Variants in NEGR1 observed in about 807,000 individuals in gnomAD.
NEGR1 encodes neuronal growth regulator 1.
In NEGR1, 10 loss-of-function variants were observed where a neutral mutation model predicts 40.9. That is an observed-to-expected ratio of 0.24 (90% CI 0.15 to 0.42). NEGR1 has a LOEUF of 0.42. Among genes scored for constraint, NEGR1 ranks in the 10% least tolerant of loss-of-function variants. The probability of loss-of-function intolerance (pLI) is 1.00; values close to 1 mark genes in which losing one functional copy is unlikely to be tolerated. For synonymous variants in NEGR1, 185 were observed against 166.8 expected (o/e 1.11, Z -0.84); for missense variants, 352 against 438.9 (o/e 0.80, Z 1.77).
chr1:72,241,083 T>C (rs779750961), intron 1 of NEGR1, among the ~76,000 whole-genome samples: 53 of 151,818 alleles, frequency 3.5e-4, no homozygotes, highest in Non-Finnish European at 5.5e-4. Context: ...TGGTTTAACT[T>C]GATGGAGCTT....
At chr1:72,148,664 C>T (rs551055585) in intron 1 of NEGR1, among the ~76,000 whole-genome samples, 4 of 152,212 alleles carry the variant, frequency 2.6e-5, no homozygotes, top group East Asian at 1.9e-4. Flanking sequence ...AAATTTCTTC[C>T]GCCAGATACC....
chr1:72,241,492 G>A (rs1381191421), intron 1 of NEGR1, among the ~76,000 whole-genome samples: 3 of 151,436 alleles, frequency 2.0e-5, no homozygotes, highest in African/African-American at 7.3e-5. Context: ...AAAAGAAAAT[G>A]GTAATGTTAG....
intron 2 of NEGR1, among the ~76,000 whole-genome samples, chr1:71,884,782 A>G (rs1401148371): frequency 6.6e-6 from 1 of 152,234 alleles, no homozygotes; most frequent in African/African-American, 2.4e-5. Flanking sequence ...AGGCAATTGC[A>G]TCAAATAAAT....
intron 6 of NEGR1, among the ~76,000 whole-genome samples, chr1:71,501,144 T>C (rs1425507928): frequency 1.3e-5 from 2 of 152,112 alleles, no homozygotes; most frequent in African/African-American, 4.8e-5. Flanking sequence ...ATTTACTGTA[T>C]ACACACATGT....
At chr1:71,969,542 T>C (rs925550285) in intron 1 of NEGR1, among the ~76,000 whole-genome samples, 2 of 152,216 alleles carry the variant, frequency 1.3e-5, no homozygotes, top group African/African-American at 4.8e-5. Flanking sequence ...TTTTCTGCCA[T>C]GACAGCCCTA....
At chr1:71,908,693 T>TA (rs1161486779) in intron 2 of NEGR1, among the ~76,000 whole-genome samples, 3 of 152,214 alleles carry the variant, frequency 2.0e-5, no homozygotes, top group Admixed American at 2.0e-4. Flanking sequence ...CCTGTAAACT[T>TA]AGACCATTGA....
At chr1:71,817,382 C>T (rs1658262456) in intron 2 of NEGR1, among the ~76,000 whole-genome samples, 1 of 152,060 alleles carries the variant, frequency 6.6e-6, no homozygotes, top group African/African-American at 2.4e-5. Flanking sequence ...TACTTCCCCA[C>T]CAGGTTGGAA....
At chr1:71,490,228 G>T (rs1335506979) in intron 6 of NEGR1, among the ~76,000 whole-genome samples, 3 of 151,778 alleles carry the variant, frequency 2.0e-5, no homozygotes, top group Non-Finnish European at 4.4e-5. Flanking sequence ...CCACCCAAAG[G>T]TAGCAATAAC....
intron 2 of NEGR1, among the ~76,000 whole-genome samples, chr1:71,907,829 G>A (rs1053880032): frequency 6.6e-6 from 1 of 152,068 alleles, no homozygotes; most frequent in Non-Finnish European, 1.5e-5. Context: ...GCCATGAAAA[G>A]AACAAAATCA....
At position 71,564,296 on chromosome 1, in the gene NEGR1, G is replaced by A. The variant is rs114936937; in HGVS notation, c.940+28521C>T. On this transcript the variant is annotated intron_variant, in intron 6 of 6. Transcript: ENST00000357731. ...ATTATCATCACCACATACACTCATA[G>A]TATTTGTTTCCAAAATTTAAGAATT... Among the ~76,000 whole-genome samples, 882 of 152,108 alleles carry A rather than the reference G, an allele frequency of 5.8e-3. 17 individuals carry two copies. The highest frequency in any genetic ancestry group is 0.02 in the African/African-American group (846 of 41,518).
At chr1:71,506,193 C>T (rs1047883420) in intron 6 of NEGR1, among the ~76,000 whole-genome samples, 4 of 152,128 alleles carry the variant, frequency 2.6e-5, no homozygotes, top group Admixed American at 2.6e-4. Context: ...AACCCAATCC[C>T]TCGCAATGGT....
At chr1:72,010,246 T>G (rs1324219404) in intron 1 of NEGR1, among the ~76,000 whole-genome samples, 1 of 151,940 alleles carries the variant, frequency 6.6e-6, no homozygotes, top group Non-Finnish European at 1.5e-5. Flanking sequence ...CTGACACCTG[T>G]GGTTGCCACA....
chr1:71,519,433 C>T (rs1350352919), intron 6 of NEGR1, among the ~76,000 whole-genome samples: 1 of 21,714 alleles, frequency 4.6e-5, no homozygotes, highest in African/African-American at 2.2e-4. Flanking sequence ...TTTGTAGGGA[C>T]ATGGATGAAA....
intron 1 of NEGR1, among the ~76,000 whole-genome samples, chr1:72,226,758 A>G (rs989984993): frequency 6.6e-6 from 1 of 152,066 alleles, no homozygotes; most frequent in African/African-American, 2.4e-5. Flanking sequence ...GTGATTCAGA[A>G]AACAAATTAT....
intron 1 of NEGR1, among the ~76,000 whole-genome samples, chr1:71,962,156 C>A (rs1166468225): frequency 6.6e-6 from 1 of 152,024 alleles, no homozygotes; most frequent in Non-Finnish European, 1.5e-5. Context: ...GGAAAAGGAT[C>A]TATTATTACA....
intron 1 of NEGR1, among the ~76,000 whole-genome samples, chr1:71,965,511 C>A (rs1646203008): frequency 6.6e-6 from 1 of 152,142 alleles, no homozygotes; most frequent in South Asian, 2.1e-4. Context: ...CATTCTAAAT[C>A]TTCCTAGACC....
intron 1 of NEGR1, among the ~76,000 whole-genome samples, chr1:72,028,706 C>T (rs745984209): frequency 2.0e-5 from 3 of 152,194 alleles, no homozygotes; most frequent in Non-Finnish European, 4.4e-5. Context: ...CAAGATTCTG[C>T]TGAAATATTC....
chr1:71,479,251 T>C (rs1044321463), intron 6 of NEGR1, among the ~76,000 whole-genome samples: 1 of 151,968 alleles, frequency 6.6e-6, no homozygotes, highest in East Asian at 1.9e-4. Flanking sequence ...ATGTTTTTCA[T>C]TGTGCTTTTT....
intron 6 of NEGR1, among the ~76,000 whole-genome samples, chr1:71,492,333 C>T (rs1198675319): frequency 6.6e-6 from 1 of 151,986 alleles, no homozygotes; most frequent in Non-Finnish European, 1.5e-5. Flanking sequence ...GTAATGGAAA[C>T]TTCTGAACCA....
Sources: gnomAD v4.1 joint callset for allele counts (sites outside exome capture counted in the v4.1 genomes callset) on GRCh38, gnomAD v4.1.1 for gene constraint, MANE v1.5 for transcripts, NCBI Gene and HGNC (gene_info 2026-07-23, HGNC 2026-07-21) for gene names.